Variants in CIMAP3 observed in about 807,000 individuals in gnomAD.
The protein encoded by CIMAP3 is ciliary microtubule associated protein 3.
At chr1:111,335,490 C>T in the CIMAP3 span, among the ~76,000 whole-genome samples, 1 of 152,194 alleles carries the variant, frequency 6.6e-6, no homozygotes, top group African/African-American at 2.4e-5. Context: ...TCAGGTCACT[C>T]CCACCCAAGT....
the CIMAP3 span, among the ~76,000 whole-genome samples, chr1:111,343,073 C>G: frequency 8.3e-3 from 1,262 of 152,266 alleles, 8 homozygotes; most frequent in Non-Finnish European, 0.014. Flanking sequence ...CTTTTCTAAT[C>G]TGCTGTTAAA....
At chr1:111,326,442 C>T in the CIMAP3 span, among the ~76,000 whole-genome samples, 1 of 152,058 alleles carries the variant, frequency 6.6e-6, no homozygotes, top group Non-Finnish European at 1.5e-5. Context: ...ATAATGACCT[C>T]GGGTTCTATC....
the CIMAP3 span, among the ~76,000 whole-genome samples, chr1:111,329,498 G>A: frequency 0.15 from 20,404 of 132,554 alleles, 1,645 homozygotes; most frequent in African/African-American, 0.18. Flanking sequence ...TCATAAATTC[G>A]TCCTCTTCAC....
chr1:111,335,636 G>A, the CIMAP3 span, among the ~76,000 whole-genome samples: 15 of 152,228 alleles, frequency 9.9e-5, no homozygotes, highest in African/African-American at 2.2e-4. Flanking sequence ...AGGGGGCAGC[G>A]AGGCTGGGGG....
At chr1:111,326,463 C>T in the CIMAP3 span, among the ~76,000 whole-genome samples, 4 of 152,130 alleles carry the variant, frequency 2.6e-5, no homozygotes, top group Non-Finnish European at 4.4e-5. Flanking sequence ...CATGTTGCTA[C>T]AAGTGACGTG....
chr1:111,341,361 T>TA, the CIMAP3 span, among the ~76,000 whole-genome samples: 222 of 149,780 alleles, frequency 1.5e-3, 2 homozygotes, highest in African/African-American at 4.3e-3. Flanking sequence ...AGTATAATAA[T>TA]AAAAAAAAAA....
the CIMAP3 span, among the ~76,000 whole-genome samples, chr1:111,342,323 G>A: frequency 2.6e-5 from 4 of 152,222 alleles, no homozygotes; most frequent in Non-Finnish European, 5.9e-5. Context: ...AGGTGGCCAT[G>A]TCTAAGTTCT....
At chr1:111,349,991 A>G in the CIMAP3 span, 17 of 704,728 alleles carry the variant, frequency 2.4e-5, no homozygotes, top group East Asian at 4.0e-4. Context: ...AAAGCTAATC[A>G]ATCTGTTGCC....
the CIMAP3 span, chr1:111,348,768 C>A: frequency 2.0e-6 from 2 of 979,772 alleles, no homozygotes; most frequent in Non-Finnish European, 1.5e-6. Context: ...AATAAGGAAC[C>A]ATTCAGAGAT....
the CIMAP3 span, among the ~76,000 whole-genome samples, chr1:111,345,519 C>G: frequency 6.6e-6 from 1 of 152,212 alleles, no homozygotes; most frequent in Non-Finnish European, 1.5e-5. Flanking sequence ...AGGAACAACA[C>G]CCCAACAATT....
At chr1:111,336,695 T>C in the CIMAP3 span, among the ~76,000 whole-genome samples, 65,483 of 152,036 alleles carry the variant, frequency 0.43, 14,689 homozygotes, top group South Asian at 0.52. Context: ...TATGGGACTA[T>C]GTGAAAAGAC....
chr1:111,347,638 G>GTTT, the CIMAP3 span: 2 of 818,780 alleles, frequency 2.4e-6, no homozygotes, highest in Non-Finnish European at 1.7e-6. Context: ...TTTTTTTTTT[G>GTTT]GTGTTTTTGT....
At chr1:111,335,273 A>G in the CIMAP3 span, among the ~76,000 whole-genome samples, 1,034 of 151,890 alleles carry the variant, frequency 6.8e-3, 14 homozygotes, top group African/African-American at 0.024. Context: ...AGTGAGAGAC[A>G]CAGAAGACGG....
chr1:111,342,815 T>G, the CIMAP3 span, among the ~76,000 whole-genome samples: 2 of 152,186 alleles, frequency 1.3e-5, no homozygotes, highest in Non-Finnish European at 2.9e-5. Flanking sequence ...TCCACATGCT[T>G]GTTCTGGGCA....
chr1:111,333,345 A>G, the CIMAP3 span, among the ~76,000 whole-genome samples: 6 of 152,280 alleles, frequency 3.9e-5, no homozygotes, highest in African/African-American at 1.2e-4. Context: ...GCAGTGCTGG[A>G]GAGGTGCAGT....
chr1:111,351,331 G>T, the CIMAP3 span: 1 of 1,567,854 alleles, frequency 6.4e-7, no homozygotes, highest in African/African-American at 1.4e-5. Context: ...TAATTGAGCG[G>T]CTGTAACTAC....
chr1:111,350,489 G>A, the CIMAP3 span, among the ~76,000 whole-genome samples: 24 of 152,222 alleles, frequency 1.6e-4, no homozygotes, highest in East Asian at 4.6e-3. Flanking sequence ...AGGTACAGAG[G>A]AAATATCCCT....
chr1:111,335,990 C>T, the CIMAP3 span, among the ~76,000 whole-genome samples: 1 of 152,234 alleles, frequency 6.6e-6, no homozygotes, highest in African/African-American at 2.4e-5. Context: ...CCGGGTACTC[C>T]TCTGAGACAA....
chr1:111,351,219 T>A, the CIMAP3 span: 1 of 1,370,046 alleles, frequency 7.3e-7, no homozygotes, highest in Non-Finnish European at 1.0e-6. Flanking sequence ...CAGAGGGTTC[T>A]CATTAGAATA....
Sources: gnomAD v4.1 joint callset for allele counts (sites outside exome capture counted in the v4.1 genomes callset) on GRCh38, gnomAD v4.1.1 for gene constraint, MANE v1.5 for transcripts, NCBI Gene and HGNC (gene_info 2026-07-23, HGNC 2026-07-21) for gene names.